SHANK2: variants seen among roughly 807,000 people sequenced by gnomAD.
SHANK2 encodes the protein SH3 and multiple ankyrin repeat domains 2, also known as SH3 and multiple ankyrin repeat domains protein 2.
A neutral mutation model predicts 133.7 loss-of-function variants in SHANK2; 43 were observed. That is an observed-to-expected ratio of 0.32 (90% CI 0.25 to 0.41). The LOEUF (loss-of-function observed/expected upper bound fraction) is 0.41. SHANK2 is among the 10% of genes least tolerant of loss of function. SHANK2 has a pLI of 1.00. For synonymous variants in SHANK2, 1,017 were observed against 952.8 expected (o/e 1.07, Z -1.24); for missense variants, 1,994 against 2,235.8 (o/e 0.89, Z 2.18).
intron 3 of SHANK2, among the ~76,000 whole-genome samples, chr11:71,137,550 G>A (rs1383876174): frequency 3.9e-5 from 6 of 152,126 alleles, no homozygotes; most frequent in African/African-American, 9.7e-5. Flanking sequence ...CCAGGGTGCT[G>A]GGTGCAGGGA....
intron 9 of SHANK2, among the ~76,000 whole-genome samples, chr11:71,057,747 A>G (rs36190436): frequency 6.7e-6 from 1 of 150,362 alleles, no homozygotes; most frequent in African/African-American, 2.4e-5. Flanking sequence ...CAGGGTCTCA[A>G]TATATTGCCC....
intron 11 of SHANK2, among the ~76,000 whole-genome samples, chr11:70,822,398 C>T (rs1398771312): frequency 6.6e-6 from 1 of 152,232 alleles, no homozygotes; most frequent in African/African-American, 2.4e-5. Flanking sequence ...AGTGACGAAG[C>T]TCTTGGGGAC....
chr11:70,951,563 G>GGCTGCTGTGCTGTGACA (rs1950842982), intron 10 of SHANK2, among the ~76,000 whole-genome samples: 3 of 142,722 alleles, frequency 2.1e-5, no homozygotes, highest in Admixed American at 1.4e-4. Flanking sequence ...GCGTGGTGAC[G>GGCTGCTGTGCTGTGACA]TCATAAATTC....
At chr11:70,690,488 G>GTTT (rs35737323) in intron 15 of SHANK2, among the ~76,000 whole-genome samples, 625 of 32,812 alleles carry the variant, frequency 0.019, 178 homozygotes, top group East Asian at 0.039. Flanking sequence ...TACTTCCCAT[G>GTTT]TTTTTTTTTT....
At chr11:70,671,067 T>C (rs1418601620) in intron 15 of SHANK2, among the ~76,000 whole-genome samples, 1 of 152,228 alleles carries the variant, frequency 6.6e-6, no homozygotes, top group African/African-American at 2.4e-5. Context: ...AAGTTTTTCC[T>C]AATAGAAACA....
intron 17 of SHANK2, among the ~76,000 whole-genome samples, chr11:70,528,326 A>G (rs948188): frequency 0.96 from 146,158 of 152,224 alleles, 70,472 homozygotes; most frequent in East Asian, 1. Context: ...CTCAGCAGGG[A>G]TGCAGCCTCC....
intron 17 of SHANK2, among the ~76,000 whole-genome samples, chr11:70,523,247 T>G (rs2059353497): frequency 6.6e-6 from 1 of 152,312 alleles, no homozygotes; most frequent in South Asian, 2.1e-4. Flanking sequence ...CACACCTCAA[T>G]GCGACTGGTT....
chr11:70,725,083 C>T (rs534905026), intron 14 of SHANK2, among the ~76,000 whole-genome samples: 15 of 152,254 alleles, frequency 9.9e-5, no homozygotes, highest in African/African-American at 3.6e-4. Flanking sequence ...AAGGAATATT[C>T]CAAAGCTTGA....
intron 10 of SHANK2, among the ~76,000 whole-genome samples, chr11:70,951,685 G>A (rs940161346): frequency 2.0e-5 from 3 of 150,006 alleles, no homozygotes; most frequent in Non-Finnish European, 4.4e-5. Context: ...TCATAAAGTG[G>A]GTGGCTTAAA....
At chr11:70,789,829 G>A (rs1309076600) in intron 14 of SHANK2, among the ~76,000 whole-genome samples, 1 of 152,154 alleles carries the variant, frequency 6.6e-6, no homozygotes, top group East Asian at 1.9e-4. Flanking sequence ...GATGTACAGC[G>A]GTGACTCATC....
intron 14 of SHANK2, among the ~76,000 whole-genome samples, chr11:70,797,778 C>G (rs10400268): frequency 6.6e-6 from 1 of 151,468 alleles, no homozygotes; most frequent in South Asian, 2.1e-4. Flanking sequence ...CGTTCACATG[C>G]GGACTGCTTT....
chr11:71,089,590 C>T (rs1220656795), intron 8 of SHANK2, among the ~76,000 whole-genome samples: 2 of 151,562 alleles, frequency 1.3e-5, no homozygotes, highest in East Asian at 3.9e-4. Flanking sequence ...GGCTGGGGCT[C>T]ACACCCAGTA....
chr11:71,234,220 G>A (rs562737905), intron 1 of SHANK2, among the ~76,000 whole-genome samples: 2 of 144,618 alleles, frequency 1.4e-5, no homozygotes, highest in East Asian at 4.1e-4. Flanking sequence ...ATATCAGCTG[G>A]GTGTGGTGGT....
At chr11:71,219,132 C>T (rs1954481329) in intron 2 of SHANK2, among the ~76,000 whole-genome samples, 2 of 152,298 alleles carry the variant, frequency 1.3e-5, no homozygotes, top group African/African-American at 2.4e-5. Flanking sequence ...CTCAGAATCA[C>T]ATCAGAGAAA....
At chr11:70,789,773 C>T (rs145851355) in intron 14 of SHANK2, among the ~76,000 whole-genome samples, 1 of 152,340 alleles carries the variant, frequency 6.6e-6, no homozygotes, top group East Asian at 1.9e-4. Context: ...ACCTCAGTGG[C>T]TTTCAGGTGA....
rs1263166970 is a variant in SHANK2 at position 70,468,194 on chromosome 11, C to T, written c.*4675G>A. On this transcript the variant is annotated 3_prime_UTR_variant, in exon 26 of 26. Coordinates refer to ENST00000601538, the MANE Select transcript of SHANK2 (RefSeq NM_012309.5). ...TCTTTTCTGTGTTTATTTGAAGGCT[C>T]GTATTAAAATTTCAAAATTGGCATG... is the stretch of plus-strand genomic sequence containing the variant. 2.7e-5 allele frequency: 4 copies of T among 149,986 alleles called. No individual in the cohort carries two copies. Among genetic ancestry groups the T allele is most frequent in the Non-Finnish European group, 5.9e-5 (4 of 67,658 alleles). 9.3% of individuals were successfully genotyped at this position (149,986 alleles called of 1,614,324 possible).
At chr11:70,606,841 T>C (rs1183060537) in intron 17 of SHANK2, among the ~76,000 whole-genome samples, 1 of 152,218 alleles carries the variant, frequency 6.6e-6, no homozygotes, top group African/African-American at 2.4e-5. Context: ...GGAGGTGCGC[T>C]AGGTGATGTC....
chr11:70,950,124 C>T (rs1950811214), intron 10 of SHANK2: 3 of 456,236 alleles, frequency 6.6e-6, no homozygotes, highest in African/African-American at 2.0e-5. Context: ...ATGGCGCTGA[C>T]CTCAGCTCAC....
chr11:70,798,856 C>T (rs1251500192), intron 13 of SHANK2, among the ~76,000 whole-genome samples: 15 of 152,302 alleles, frequency 9.8e-5, no homozygotes, highest in East Asian at 5.8e-4. Context: ...TGGATGTGCA[C>T]GGCGGCCCTG....
Sources: gnomAD v4.1 joint callset for allele counts (sites outside exome capture counted in the v4.1 genomes callset) on GRCh38, gnomAD v4.1.1 for gene constraint, MANE v1.5 for transcripts, NCBI Gene and HGNC (gene_info 2026-07-23, HGNC 2026-07-21) for gene names.